Variants in KCNMA1 observed in about 807,000 individuals in gnomAD.
KCNMA1 encodes potassium calcium-activated channel subfamily M alpha 1.
KCNMA1 carries 29 observed loss-of-function variants against 140.0 expected under a neutral mutation model. That is an observed-to-expected ratio of 0.21 (90% confidence interval 0.15 to 0.28). KCNMA1 has a LOEUF of 0.28. Ranked by LOEUF, KCNMA1 falls within the 10% of genes least tolerant of loss-of-function variation. The pLI is 1.00. For missense variants in KCNMA1, 880 were observed against 1,602.2 expected, an observed-to-expected ratio of 0.55 and a Z score of 7.70; for synonymous variants, 612 against 611.9, an observed-to-expected ratio of 1.00 and a Z score of 0.00.
chr10:77,187,613 G>T (rs747148995), intron 3 of KCNMA1, among the ~76,000 whole-genome samples: 5 of 152,222 alleles, frequency 3.3e-5, no homozygotes, highest in Non-Finnish European at 7.3e-5. Flanking sequence ...GGCTGGAGCT[G>T]GCAGGTAATA....
At position 77,138,981 on chromosome 10, in the gene KCNMA1, T is replaced by C. The variant is rs140169835; in HGVS notation, c.809-17933A>G. 8.6e-3 allele frequency among the ~76,000 whole-genome samples: 1,310 copies of C among 152,314 alleles called. 19 individuals carry two copies. Among genetic ancestry groups the C allele is most frequent in the African/African-American group, 0.03 (1,231 of 41,572 alleles). ...AATCTAAAATGATCTCATTTGCTTG[T>C]TCAGGTGCCTGCCTCCTGCCCGTTC... On this transcript the variant is annotated intron_variant, in intron 5 of 27. Coordinates refer to ENST00000286628, the MANE Select transcript of KCNMA1 (RefSeq NM_001161352.2).
intron 5 of KCNMA1, among the ~76,000 whole-genome samples, chr10:77,155,634 C>T (rs1173680790): frequency 1.3e-5 from 2 of 152,100 alleles, no homozygotes; most frequent in African/African-American, 4.8e-5. Context: ...AACGTCAACA[C>T]AAGTGTCTTT....
intron 2 of KCNMA1, among the ~76,000 whole-genome samples, chr10:77,272,820 C>G (rs2065544948): frequency 1.3e-5 from 2 of 152,266 alleles, no homozygotes; most frequent in South Asian, 4.2e-4. Flanking sequence ...CTTTGAGTCA[C>G]CTTTAAGATT....
At chr10:77,609,754 A>T (rs915409186) in intron 1 of KCNMA1, among the ~76,000 whole-genome samples, 75 of 91,286 alleles carry the variant, frequency 8.2e-4, no homozygotes, top group African/African-American at 2.8e-3. Context: ...GTTCATTTTA[A>T]AAAAAAAAAT....
intron 1 of KCNMA1, among the ~76,000 whole-genome samples, chr10:77,601,080 C>G (rs1053079872): frequency 2.6e-5 from 4 of 152,238 alleles, no homozygotes; most frequent in African/African-American, 9.6e-5. Flanking sequence ...TGGCCCTTCA[C>G]AGGCAGGAAG....
rs2095839613 is a variant in KCNMA1, at chr10:77,391,866, C to G, written c.540+11996G>C. ...CGACAAAGGCTGATGACTTTGTCAT[C>G]ATCATCTCTATTTTTGAGTCTCCCT... On this transcript the variant is annotated intron_variant, in intron 2 of 27. Coordinates refer to ENST00000286628, the MANE Select transcript of KCNMA1 (RefSeq NM_001161352.2). Among the ~76,000 whole-genome samples the G allele has an allele frequency of 3.3e-5, 5 of 151,686 alleles. 1 individual carries two copies. The South Asian group carries it at 1.0e-3, about 32-fold the overall frequency.
chr10:77,072,207 C>G (rs973656801), intron 14 of KCNMA1, among the ~76,000 whole-genome samples: 1 of 152,214 alleles, frequency 6.6e-6, no homozygotes, highest in Non-Finnish European at 1.5e-5. Flanking sequence ...AGATCCAGAG[C>G]TAACTGCCTC....
chr10:76,895,661 T>C (rs1202306182), intron 25 of KCNMA1, among the ~76,000 whole-genome samples: 2 of 152,202 alleles, frequency 1.3e-5, no homozygotes, highest in Non-Finnish European at 2.9e-5. Flanking sequence ...TTGAACACAT[T>C]GTACTGAGAG....
At chr10:77,517,907 A>G (rs1376920088) in intron 1 of KCNMA1, among the ~76,000 whole-genome samples, 1 of 152,204 alleles carries the variant, frequency 6.6e-6, no homozygotes, top group Non-Finnish European at 1.5e-5. Flanking sequence ...GTGTTAAGAC[A>G]AATATAAGAT....
At chr10:77,461,685 C>T (rs1427404433) in intron 1 of KCNMA1, among the ~76,000 whole-genome samples, 1 of 152,148 alleles carries the variant, frequency 6.6e-6, no homozygotes, top group Non-Finnish European at 1.5e-5. Flanking sequence ...GGCTTGTTGC[C>T]CCAACTAGAC....
At chr10:76,914,171 G>C (rs757004428) in intron 24 of KCNMA1, 113 of 1,440,114 alleles carry the variant, frequency 7.8e-5, no homozygotes, top group Non-Finnish European at 1.0e-4. Context: ...GTTGGGGAAA[G>C]GGAGTGGAGG....
chr10:77,073,613 T>C (rs996390727), intron 13 of KCNMA1, among the ~76,000 whole-genome samples: 1 of 152,192 alleles, frequency 6.6e-6, no homozygotes, highest in African/African-American at 2.4e-5. Context: ...GCCAAATGCC[T>C]GTATATTTTC....
At chr10:76,990,852 C>T (rs2153331734) in intron 19 of KCNMA1, among the ~76,000 whole-genome samples, 1 of 152,290 alleles carries the variant, frequency 6.6e-6, no homozygotes, top group South Asian at 2.1e-4. Context: ...TAAGGGAATG[C>T]TTGGTGCAGC....
intron 2 of KCNMA1, among the ~76,000 whole-genome samples, chr10:77,316,636 C>T (rs1350026032): frequency 6.6e-6 from 1 of 152,156 alleles, no homozygotes; most frequent in Admixed American, 6.6e-5. Context: ...ACAAGCAAGG[C>T]TCTAGAGCTG....
chr10:77,236,721 T>C (rs538542995), intron 3 of KCNMA1, among the ~76,000 whole-genome samples: 4 of 152,268 alleles, frequency 2.6e-5, no homozygotes, highest in African/African-American at 4.8e-5. Context: ...TAGATCTATA[T>C]ATGTAATGGA....
chr10:76,961,784 T>C (rs1444666180), intron 20 of KCNMA1, among the ~76,000 whole-genome samples: 2 of 152,234 alleles, frequency 1.3e-5, no homozygotes, highest in Admixed American at 1.3e-4. Context: ...AGATGATTAC[T>C]AGCATTTTTA....
chr10:77,561,057 A>G (rs1318689539), intron 1 of KCNMA1, among the ~76,000 whole-genome samples: 7 of 26,766 alleles, frequency 2.6e-4, no homozygotes. Context: ...GTATGGAAAC[A>G]CTTTTTTTTT....
intron 1 of KCNMA1, among the ~76,000 whole-genome samples, chr10:77,579,331 A>C (rs1054622098): frequency 4.6e-5 from 7 of 152,162 alleles, no homozygotes; most frequent in Admixed American, 2.0e-4. Flanking sequence ...AGAAGCCTGA[A>C]TTTTATCCTA....
At chr10:77,519,496 T>C (rs1205402337) in intron 1 of KCNMA1, among the ~76,000 whole-genome samples, 1 of 24,788 alleles carries the variant, frequency 4.0e-5, no homozygotes, top group African/African-American at 3.8e-4. Context: ...AGATAATTGA[T>C]TTTTTTTTTG....
Sources: allele counts gnomAD v4.1 joint callset (sites outside exome capture counted in the v4.1 genomes callset), GRCh38; gene constraint gnomAD v4.1.1; transcripts MANE v1.5; gene names NCBI Gene and HGNC (gene_info 2026-07-23, HGNC 2026-07-21).